The following INSYN2A variants were observed in gnomAD, a reference collection of about 807,000 sequenced individuals.
INSYN2A encodes the protein family with sequence similarity 196 member A.
In INSYN2A, 17 loss-of-function variants were observed where a neutral mutation model predicts 39.4. The ratio of observed to expected loss-of-function variants is 0.43; its 90% confidence interval spans 0.30 to 0.65. The LOEUF (loss-of-function observed/expected upper bound fraction) is 0.65. INSYN2A is among the 30% of genes least tolerant of loss of function. The pLI is 0.14. For synonymous variants in INSYN2A, 255 were observed against 265.7 expected (o/e 0.96, Z 0.39); for missense variants, 595 against 631.2 (o/e 0.94, Z 0.61).
chr10:127,190,044 G>T (rs2056603107), intron 2 of INSYN2A, among the ~76,000 whole-genome samples: 1 of 152,164 alleles, frequency 6.6e-6, no homozygotes, highest in Non-Finnish European at 1.5e-5. Context: ...CAGAATGTCA[G>T]CATTTGGGTT....
chr10:127,161,425 A>G (rs895404990), intron 4 of INSYN2A, among the ~76,000 whole-genome samples: 14 of 152,190 alleles, frequency 9.2e-5, no homozygotes, highest in Non-Finnish European at 1.9e-4. Context: ...GCCAGCATCC[A>G]ACTTGCTGAA....
chr10:127,152,949 C>T (rs1052715238), intron 5 of INSYN2A, among the ~76,000 whole-genome samples: 5 of 152,158 alleles, frequency 3.3e-5, no homozygotes, highest in African/African-American at 1.2e-4. Flanking sequence ...TGGGAGAGAA[C>T]CCTGATGGGT....
At chr10:127,155,376 TTC>T (rs1366955360) in intron 4 of INSYN2A, among the ~76,000 whole-genome samples, 2 of 152,240 alleles carry the variant, frequency 1.3e-5, no homozygotes, top group African/African-American at 4.8e-5. Flanking sequence ...AGTGACCATA[TTC>T]TGCTCCAAAG....
At chr10:127,185,581 G>T (rs1038004346) in intron 2 of INSYN2A, among the ~76,000 whole-genome samples, 4 of 152,206 alleles carry the variant, frequency 2.6e-5, no homozygotes, top group African/African-American at 9.7e-5. Context: ...TAGGATGAGT[G>T]TACAATATTA....
intron 1 of INSYN2A, 67 bp downstream of exon 1, chr10:127,195,930 G>C (rs1181598056): frequency 6.6e-6 from 1 of 152,282 alleles, no homozygotes; most frequent in African/African-American, 2.4e-5. Context: ...TCCCAGCGGT[G>C]CTCTGCCCGC....
At chr10:127,195,490 C>T (rs1053217543) in intron 1 of INSYN2A, among the ~76,000 whole-genome samples, 1 of 152,150 alleles carries the variant, frequency 6.6e-6, no homozygotes, top group Non-Finnish European at 1.5e-5. Context: ...CTCTCCTCAA[C>T]GGCCGGCGTC....
At chr10:127,181,699 G>A (rs2055752152) in intron 2 of INSYN2A, among the ~76,000 whole-genome samples, 1 of 152,204 alleles carries the variant, frequency 6.6e-6, no homozygotes, top group African/African-American at 2.4e-5. Flanking sequence ...AGGCTACTCA[G>A]AATGGGAGAA....
intron 2 of INSYN2A, among the ~76,000 whole-genome samples, chr10:127,182,088 G>A (rs1389189145): frequency 1.3e-5 from 2 of 152,138 alleles, no homozygotes; most frequent in Non-Finnish European, 2.9e-5. Flanking sequence ...CAGAACTATG[G>A]CTCCTTGGAG....
intron 4 of INSYN2A, among the ~76,000 whole-genome samples, chr10:127,164,159 C>CTTTTTTTTTT (rs528947051): frequency 3.1e-5 from 2 of 63,582 alleles, no homozygotes; most frequent in African/African-American, 1.2e-4. Flanking sequence ...CATTTGCCTC[C>CTTTTTTTTTT]TTTTTTTTTT....
chr10:127,152,573 C>T lies in INSYN2A; in HGVS notation c.1256+1279G>A, dbSNP rs570562951. Among the ~76,000 whole-genome samples, 12 of 152,306 alleles carry T rather than the reference C, an allele frequency of 7.9e-5. No homozygotes were observed. In the East Asian group the frequency reaches 2.3e-3, roughly 30 times the overall value. On this transcript the variant is annotated intron_variant, in intron 5 of 5. Coordinates refer to ENST00000522781, the MANE Select transcript of INSYN2A (RefSeq NM_001039762.3). The stretch of plus-strand genomic sequence containing the variant: ...TCAGTAAGGTAGGCTTTCTCAACCT[C>T]AGCACTATTGACATTTGGGACTGGA...
intron 5 of INSYN2A, among the ~76,000 whole-genome samples, chr10:127,139,244 AT>A (rs2050994386): frequency 6.6e-6 from 1 of 152,190 alleles, no homozygotes; most frequent in South Asian, 2.1e-4. Context: ...TCCTAGACAA[AT>A]TTTGACATTT....
At chr10:127,173,172 C>T (rs1347062252) in intron 4 of INSYN2A, among the ~76,000 whole-genome samples, 1 of 152,196 alleles carries the variant, frequency 6.6e-6, no homozygotes, top group Non-Finnish European at 1.5e-5. Context: ...CACTAGTGGA[C>T]ATCTACCCAT....
rs1396542657 is a variant in INSYN2A at position 127,137,443 on chromosome 10, A to G, written c.*394T>C. 1 of 161,126 alleles carries G rather than the reference A, an allele frequency of 6.2e-6. No individual in the cohort carries two copies. The highest frequency in any genetic ancestry group is 1.3e-5 in the Non-Finnish European group (1 of 74,302). 10.0% of individuals were successfully genotyped at this position (161,126 alleles called of 1,614,324 possible). On this transcript the variant is annotated 3_prime_UTR_variant, in exon 6 of 6. Transcript: ENST00000522781. ...AACATAAGGCTTGCTTTTTCTTCTC[A>G]TTATTTAAAAAAAAAATCAAGGCTT...
chr10:127,166,937 G>T (rs1177488017), intron 4 of INSYN2A, among the ~76,000 whole-genome samples: 2 of 151,094 alleles, frequency 1.3e-5, no homozygotes, highest in Non-Finnish European at 2.9e-5. Flanking sequence ...AGGCTGAGGA[G>T]GTATTTGAAA....
At chr10:127,152,458 C>G (rs1402550746) in intron 5 of INSYN2A, among the ~76,000 whole-genome samples, 1 of 152,238 alleles carries the variant, frequency 6.6e-6, no homozygotes, top group Non-Finnish European at 1.5e-5. Flanking sequence ...CCATGCCAGG[C>G]TGCTGCAGGG....
intron 5 of INSYN2A, 43 bp from the exon 6 acceptor site, chr10:127,138,063 CCATA>C: frequency 6.5e-7 from 1 of 1,529,482 alleles, no homozygotes. Flanking sequence ...TTGATCTTTT[CCATA>C]TGAAGATCCC....
chr10:127,179,607 A>G (rs2055527866), intron 2 of INSYN2A, among the ~76,000 whole-genome samples: 1 of 152,130 alleles, frequency 6.6e-6, no homozygotes, highest in Admixed American at 6.5e-5. Flanking sequence ...AGGTGGACAC[A>G]TCTTTTCGGG....
intron 2 of INSYN2A, among the ~76,000 whole-genome samples, chr10:127,191,177 G>A (rs532994542): frequency 8.5e-5 from 13 of 152,182 alleles, no homozygotes; most frequent in South Asian, 2.1e-4. Context: ...CATCACCCAC[G>A]AAGTGAGCCG....
intron 4 of INSYN2A, among the ~76,000 whole-genome samples, chr10:127,169,279 G>A (rs149570951): frequency 2.6e-5 from 4 of 152,312 alleles, no homozygotes; most frequent in Non-Finnish European, 5.9e-5. Flanking sequence ...CCTGAATGCC[G>A]ATGAACTGTG....
Sources: gnomAD v4.1 joint callset for allele counts (sites outside exome capture counted in the v4.1 genomes callset) on GRCh38, gnomAD v4.1.1 for gene constraint, MANE v1.5 for transcripts, NCBI Gene and HGNC (gene_info 2026-07-23, HGNC 2026-07-21) for gene names.